Variants in GRIP1 observed in about 807,000 individuals in gnomAD.
GRIP1 encodes the protein glutamate receptor interacting protein 1.
GRIP1 carries 45 observed loss-of-function variants against 129.9 expected under a neutral mutation model. The ratio of observed to expected loss-of-function variants is 0.35; its 90% CI spans 0.27 to 0.44. GRIP1 has a LOEUF of 0.44. Among genes scored for constraint, GRIP1 ranks in the 20% least tolerant of loss-of-function variants. The pLI, the probability that GRIP1 is intolerant of heterozygous loss-of-function variation, is 1.00. For missense variants in GRIP1, 1,196 were observed against 1,396.8 expected (o/e 0.86, Z 2.29); for synonymous variants, 530 against 520.8 (o/e 1.02, Z -0.24).
intron 1 of GRIP1, among the ~76,000 whole-genome samples, chr12:66,600,123 CAT>C (rs1437719542): frequency 1.3e-5 from 2 of 152,214 alleles, no homozygotes; most frequent in Non-Finnish European, 2.9e-5. Flanking sequence ...CCCTCCTCCA[CAT>C]ATTTGTTGCC....
intron 1 of GRIP1, among the ~76,000 whole-genome samples, chr12:67,054,877 C>T (rs1333986291): frequency 6.6e-6 from 1 of 151,920 alleles, no homozygotes; most frequent in Non-Finnish European, 1.5e-5. Context: ...GGAGGAAAAG[C>T]AGCATAATGT....
chr12:66,438,507 A>G (rs1486428532), intron 13 of GRIP1, among the ~76,000 whole-genome samples: 1 of 126,946 alleles, frequency 7.9e-6, no homozygotes, highest in Non-Finnish European at 1.7e-5. Flanking sequence ...TTTTTTTTTG[A>G]GACGGAGTTT....
intron 16 of GRIP1, among the ~76,000 whole-genome samples, chr12:66,398,868 G>A (rs1361538393): frequency 6.6e-6 from 1 of 151,888 alleles, no homozygotes; most frequent in Non-Finnish European, 1.5e-5. Context: ...TTCACTCTAT[G>A]TTTTAAGGAT....
Position 66,456,192 on chromosome 12 carries a change from C to T in GRIP1, c.1193G>A (p.Ser398Asn). The change falls in exon 10 of 25, where the codon AGC (serine) becomes AAC (asparagine). Residue 398 changes from serine (S) to asparagine (N), a missense_variant. Ser to Asn is a conservative substitution (Grantham distance 46, BLOSUM62 1). This residue lies in a region of GRIP1 where 508 missense variants were observed against 587.0 expected (regional missense o/e 0.87). Transcript: ENST00000359742. ...GAGAAAGCATGGAACATTACGAGGG[C>T]TGTTTGGAGGAGGTGCTTTCGGGAA... ...LTFPKAPPPNSPPALVSSSFS... is the reference protein window; with the variant it reads ...LTFPKAPPPNNPPALVSSSFS... 5 of 1,287,946 alleles carry T rather than the reference C, an allele frequency of 3.9e-6. No homozygotes were observed. Among genetic ancestry groups the T allele is most frequent in the Non-Finnish European group, 5.1e-6 (5 of 987,026 alleles). The allele number at this position is 1,287,946 out of a possible 1,614,324, so 79.8% of individuals were successfully genotyped here.
chr12:67,057,685 T>C (rs1341327974), intron 1 of GRIP1, among the ~76,000 whole-genome samples: 1 of 152,206 alleles, frequency 6.6e-6, no homozygotes, highest in East Asian at 1.9e-4. Context: ...AAGTATCTTA[T>C]ATGTATATCA....
chr12:66,802,203 C>A (rs144540772), intron 1 of GRIP1, among the ~76,000 whole-genome samples: 149 of 152,234 alleles, frequency 9.8e-4, no homozygotes, highest in African/African-American at 3.3e-3. Context: ...TGAGTCCACT[C>A]TGACACATTC....
intron 1 of GRIP1, among the ~76,000 whole-genome samples, chr12:66,841,726 A>C (rs1036170034): frequency 1.9e-4 from 29 of 152,200 alleles, no homozygotes; most frequent in African/African-American, 6.3e-4. Flanking sequence ...AAACAAAGCA[A>C]CACCACCAGA....
At chr12:66,364,330 GT>G (rs2055007694) in intron 23 of GRIP1, among the ~76,000 whole-genome samples, 1 of 150,442 alleles carries the variant, frequency 6.6e-6, no homozygotes, top group South Asian at 2.1e-4. Flanking sequence ...AGTGGTTGAG[GT>G]GTGAAAGGAA....
chr12:66,674,680 C>T (rs1013086207), intron 1 of GRIP1, among the ~76,000 whole-genome samples: 6 of 152,232 alleles, frequency 3.9e-5, no homozygotes, highest in Middle Eastern at 3.4e-3. Flanking sequence ...AAGTCCTAGA[C>T]GAATGTCTGA....
intron 1 of GRIP1, among the ~76,000 whole-genome samples, chr12:66,794,773 C>T (rs2038647686): frequency 6.6e-6 from 1 of 152,088 alleles, no homozygotes; most frequent in South Asian, 2.1e-4. Flanking sequence ...TGATCATCTT[C>T]CAAATAGTGC....
intron 1 of GRIP1, among the ~76,000 whole-genome samples, chr12:66,985,255 T>C (rs1196037378): frequency 6.6e-6 from 1 of 151,196 alleles, no homozygotes; most frequent in Admixed American, 6.6e-5. Flanking sequence ...AGGAAAGGCA[T>C]AGGCCCAACC....
At chr12:67,009,212 C>CA (rs1442753566) in intron 1 of GRIP1, among the ~76,000 whole-genome samples, 7 of 151,682 alleles carry the variant, frequency 4.6e-5, no homozygotes. Flanking sequence ...GGGAATCAAG[C>CA]AAAAAAAGTA....
intron 1 of GRIP1, among the ~76,000 whole-genome samples, chr12:66,744,208 A>T (rs2036875327): frequency 6.6e-6 from 1 of 152,162 alleles, no homozygotes; most frequent in African/African-American, 2.4e-5. Flanking sequence ...CATTGCCTAA[A>T]TCTAATTTAA....
rs138259587 is a variant in GRIP1, at chr12:66,433,107, T to G, written c.1688-479A>C. 1.6e-3 allele frequency among the ~76,000 whole-genome samples: 241 copies of G among 152,234 alleles called. 1 individual carries two copies. Among genetic ancestry groups the G allele is most frequent in the African/African-American group, 5.7e-3 (236 of 41,548 alleles). Reference sequence around the variant, plus strand: ...TCCCCCCACCTCCACTCCTATTTATTGTTTGAAGGTACCTGGGAAAACAGA... The same window carrying G: ...TCCCCCCACCTCCACTCCTATTTATGGTTTGAAGGTACCTGGGAAAACAGA... On this transcript the variant is annotated intron_variant, in intron 13 of 24. Transcript: ENST00000359742.
intron 1 of GRIP1, among the ~76,000 whole-genome samples, chr12:66,688,377 T>C (rs1276677766): frequency 6.6e-6 from 1 of 152,198 alleles, no homozygotes; most frequent in Non-Finnish European, 1.5e-5. Context: ...GAAAGCACTT[T>C]GTCAATTTTC....
intron 22 of GRIP1, among the ~76,000 whole-genome samples, chr12:66,374,052 G>A (rs750228820): frequency 1.1e-4 from 17 of 152,074 alleles, no homozygotes; most frequent in Non-Finnish European, 2.2e-4. Flanking sequence ...AAAAACAAGT[G>A]TGGGCTATTT....
At chr12:66,478,726 G>T (rs71450900) in intron 7 of GRIP1, among the ~76,000 whole-genome samples, 5 of 152,200 alleles carry the variant, frequency 3.3e-5, no homozygotes, top group South Asian at 2.1e-4. Flanking sequence ...CATGTCCTTT[G>T]TAGGGACATG....
chr12:66,853,179 C>T (rs1027145864), intron 1 of GRIP1, among the ~76,000 whole-genome samples: 1 of 151,496 alleles, frequency 6.6e-6, no homozygotes, highest in Non-Finnish European at 1.5e-5. Context: ...TTTATATGAA[C>T]ACCAGGAAAC....
intron 1 of GRIP1, among the ~76,000 whole-genome samples, chr12:66,604,172 G>A (rs561858878): frequency 6.6e-6 from 1 of 152,280 alleles, no homozygotes; most frequent in East Asian, 1.9e-4. Context: ...ACAGAACTGC[G>A]ATGGCCCCGG....
Sources: gnomAD v4.1 joint callset for allele counts (sites outside exome capture counted in the v4.1 genomes callset) on GRCh38, gnomAD v4.1.1 for gene constraint, gnomAD v4.1.1 regional missense constraint, MANE v1.5 for transcripts, NCBI Gene and HGNC (gene_info 2026-07-23, HGNC 2026-07-21) for gene names.